The following RICTOR variants were observed in gnomAD, a reference collection of about 807,000 sequenced individuals.
RICTOR encodes rapamycin-insensitive companion of mTOR.
In RICTOR, 49 loss-of-function variants were observed where a neutral mutation model predicts 214.9. The observed-to-expected ratio is 0.23, with a 90% CI of 0.18 to 0.29. The LOEUF is 0.29. RICTOR is among the 10% of genes least tolerant of loss of function. The pLI is 1.00. For missense variants in RICTOR, 1,625 were observed against 2,047.0 expected, an observed-to-expected ratio of 0.79 and a Z score of 3.98; for synonymous variants, 717 against 711.3, an observed-to-expected ratio of 1.01 and a Z score of -0.13.
rs1410239673 is a variant in RICTOR at position 38,938,957 on chromosome 5, CA to C, written c.*3346del. ...GTTTTAATGGATTGTGAATCTGAGACAAAAGTGGAAGCATAAGACTAAAGGA... is the reference window on the plus strand; with the variant it reads ...GTTTTAATGGATTGTGAATCTGAGACAAAGTGGAAGCATAAGACTAAAGGA... On this transcript the variant is annotated 3_prime_UTR_variant, in exon 38 of 38. Coordinates refer to ENST00000357387, the MANE Select transcript of RICTOR (RefSeq NM_152756.5). 8.6e-6 allele frequency: 2 copies of C among 232,780 alleles called. No homozygotes were observed. The highest frequency in any genetic ancestry group is 1.7e-5 in the Non-Finnish European group (2 of 117,644). The allele number at this position is 232,780 out of a possible 1,614,324, so 14.4% of individuals were successfully genotyped here. A position where few individuals can be genotyped will look rare whatever the true frequency, so the allele number is the denominator to read the frequency against.
At chr5:39,016,654 A>G (rs559008113) in intron 3 of RICTOR, among the ~76,000 whole-genome samples, 1 of 152,042 alleles carries the variant, frequency 6.6e-6, no homozygotes, top group East Asian at 1.9e-4. Flanking sequence ...AGAAGGGAGA[A>G]TAAGAGGTGT....
chr5:38,990,399 C>T (rs927472619), intron 7 of RICTOR, among the ~76,000 whole-genome samples: 5 of 151,542 alleles, frequency 3.3e-5, no homozygotes, highest in African/African-American at 1.2e-4. Context: ...CAAGTTGATG[C>T]GTACAGCAAA....
intron 3 of RICTOR, among the ~76,000 whole-genome samples, chr5:39,005,991 C>G (rs1358844524): frequency 6.6e-6 from 1 of 152,138 alleles, no homozygotes; most frequent in African/African-American, 2.4e-5. Context: ...CCCAGGTAGC[C>G]CCAGGATTAA....
chr5:39,024,192 G>A (rs945864401), intron 2 of RICTOR, among the ~76,000 whole-genome samples: 3 of 152,284 alleles, frequency 2.0e-5, no homozygotes, highest in Admixed American at 6.5e-5. Flanking sequence ...CGGCAGTAAC[G>A]CTCACTCCCC....
chr5:38,971,777 CTAA>C lies in RICTOR; in HGVS notation c.972+97_972+99del, dbSNP rs1190214194. ...TTAAAAATATGATCTAGATTAACAA[CTAA>C]TGAGGAAAACACATCACCTGAAATA... On this transcript the variant is annotated intron_variant, in intron 11 of 37. Coordinates refer to ENST00000357387, the MANE Select transcript of RICTOR (RefSeq NM_152756.5). 4.2e-5 allele frequency: 27 copies of C among 648,578 alleles called. No homozygotes were observed. In the Middle Eastern group the frequency reaches 1.2e-3, roughly 28 times the overall value. The allele number at this position is 648,578 out of a possible 1,614,324, so 40.2% of individuals were successfully genotyped here. A position where few individuals can be genotyped will look rare whatever the true frequency, so the allele number is the denominator to read the frequency against.
At chr5:38,944,695 T>C (rs1747980881) in intron 35 of RICTOR, 126 bp from the exon 36 acceptor site, 1 of 943,018 alleles carries the variant, frequency 1.1e-6, no homozygotes, top group Non-Finnish European at 1.6e-6. Flanking sequence ...CTACCAATCA[T>C]TTTGGGAGCA....
intron 2 of RICTOR, among the ~76,000 whole-genome samples, chr5:39,052,824 G>A (rs1473553334): frequency 6.6e-6 from 1 of 152,080 alleles, no homozygotes; most frequent in Non-Finnish European, 1.5e-5. Context: ...GTTTCTTCTA[G>A]CTCTAAACTC....
At chr5:38,952,916 C>A in intron 29 of RICTOR, 69 bp downstream of exon 29, 1 of 886,460 alleles carries the variant, frequency 1.1e-6, no homozygotes, top group Non-Finnish European at 1.8e-6. Context: ...TCATAAAATA[C>A]TTTCCCCTAA....
chr5:39,033,710 A>G (rs1364514816), intron 2 of RICTOR, among the ~76,000 whole-genome samples: 1 of 152,172 alleles, frequency 6.6e-6, no homozygotes, highest in Non-Finnish European at 1.5e-5. Flanking sequence ...AGGACTGAGC[A>G]CTGAAAAGCA....
At chr5:39,060,137 C>T (rs570324887) in intron 2 of RICTOR, among the ~76,000 whole-genome samples, 2 of 152,180 alleles carry the variant, frequency 1.3e-5, no homozygotes, top group East Asian at 1.9e-4. Flanking sequence ...ATATTACATA[C>T]GTATAAGCCA....
intron 2 of RICTOR, among the ~76,000 whole-genome samples, chr5:39,058,641 A>T (rs995754641): frequency 6.6e-6 from 1 of 152,132 alleles, no homozygotes; most frequent in Non-Finnish European, 1.5e-5. Context: ...TTCAACTTTG[A>T]TGCACAATTA....
At chr5:38,993,854 TA>T (rs1454592628) in intron 6 of RICTOR, among the ~76,000 whole-genome samples, 1 of 152,108 alleles carries the variant, frequency 6.6e-6, no homozygotes, top group African/African-American at 2.4e-5. Context: ...TCAATATACA[TA>T]AACTTTGTTT....
chr5:38,944,387 C>A lies in RICTOR; in HGVS notation c.4913+59G>T. 3 of 1,529,666 alleles carry A rather than the reference C, an allele frequency of 2.0e-6. No individual in the cohort carries two copies. The South Asian group carries it at 3.6e-5, about 18-fold the overall frequency. The allele number at this position is 1,529,666 out of a possible 1,614,324, so 94.8% of individuals were successfully genotyped here. Reference sequence around the variant, plus strand: ...CTAACTTTTGAAGTATTTCAAGTATCTTTTCTCGACTTAAAAAACAGAATA... The same window carrying A: ...CTAACTTTTGAAGTATTTCAAGTATATTTTCTCGACTTAAAAAACAGAATA... On this transcript the variant is annotated intron_variant, in intron 36 of 37. Coordinates refer to ENST00000357387, the MANE Select transcript of RICTOR (RefSeq NM_152756.5).
At chr5:39,035,484 C>A (rs564233935) in intron 2 of RICTOR, among the ~76,000 whole-genome samples, 1 of 152,054 alleles carries the variant, frequency 6.6e-6, no homozygotes, top group African/African-American at 2.4e-5. Flanking sequence ...ATGACTTTGA[C>A]GAGTTGAGAG....
In RICTOR at chr5:39,020,511, A is replaced by C. The variant is rs148713716; in HGVS notation, c.195+528T>G. On this transcript the variant is annotated intron_variant, in intron 3 of 37. Transcript: ENST00000357387. ...AAGGCTCAGATGACTGTATTTTTTA[A>C]TCAATATTTTTAAATTAAGGTACAC... Among the ~76,000 whole-genome samples the C allele has an allele frequency of 2.0e-4, 30 of 152,368 alleles. 1 individual carries two copies. Among genetic ancestry groups the C allele is most frequent in the African/African-American group, 7.0e-4 (29 of 41,596 alleles).
At chr5:39,013,160 TTAAG>T in intron 3 of RICTOR, among the ~76,000 whole-genome samples, 1 of 152,346 alleles carries the variant, frequency 6.6e-6, no homozygotes, top group South Asian at 2.1e-4. Context: ...CTAAGATGAA[TTAAG>T]TTTGTTGAAT....
intron 2 of RICTOR, among the ~76,000 whole-genome samples, chr5:39,035,341 C>T (rs1277624078): frequency 6.6e-6 from 1 of 152,078 alleles, no homozygotes; most frequent in African/African-American, 2.4e-5. Flanking sequence ...TCATCAAAGA[C>T]CTAAGGTAGA....
chr5:39,022,637 G>C (rs549957761), intron 2 of RICTOR: 1 of 152,630 alleles, frequency 6.6e-6, no homozygotes, highest in Non-Finnish European at 1.5e-5. Context: ...GATGGAGGTG[G>C]GGTGCAGCCA....
At chr5:38,986,497 A>G (rs1234881494) in intron 7 of RICTOR, among the ~76,000 whole-genome samples, 3 of 152,222 alleles carry the variant, frequency 2.0e-5, no homozygotes. Context: ...AATGATGAAG[A>G]AAAGTTTAAA....
Sources: gnomAD v4.1 joint callset for allele counts (sites outside exome capture counted in the v4.1 genomes callset) on GRCh38, gnomAD v4.1.1 for gene constraint, MANE v1.5 for transcripts, NCBI Gene and HGNC (gene_info 2026-07-23, HGNC 2026-07-21) for gene names.